Variants in PDLIM1 observed in about 807,000 individuals in gnomAD.
PDLIM1 encodes the protein PDZ and LIM domain 1.
In PDLIM1, 25 loss-of-function variants were observed where a neutral mutation model predicts 35.2. That is an observed-to-expected ratio of 0.71 (90% CI 0.52 to 0.99). The LOEUF is 0.99. Ranked by LOEUF, PDLIM1 falls within the 50% of genes least tolerant of loss-of-function variation. The pLI is 0.00. For synonymous variants in PDLIM1, 152 were observed against 154.0 expected (o/e 0.99, Z 0.10); for missense variants, 363 against 415.3 (o/e 0.87, Z 1.09).
At chr10:95,258,405 G>A (rs545994611) in intron 4 of PDLIM1, among the ~76,000 whole-genome samples, 6 of 152,094 alleles carry the variant, frequency 3.9e-5, no homozygotes, top group Non-Finnish European at 8.8e-5. Flanking sequence ...GGGAGGCTGA[G>A]GCAGAGAATT....
At chr10:95,287,319 G>A (rs1037286246) in intron 1 of PDLIM1, among the ~76,000 whole-genome samples, 6 of 152,142 alleles carry the variant, frequency 3.9e-5, no homozygotes, top group Admixed American at 3.3e-4. Flanking sequence ...ACGACATGAT[G>A]TAAAATCTAT....
intron 1 of PDLIM1, among the ~76,000 whole-genome samples, chr10:95,284,580 C>T (rs867059942): frequency 6.6e-6 from 1 of 152,320 alleles, no homozygotes; most frequent in African/African-American, 2.4e-5. Context: ...CCTCAAACTC[C>T]TGACCTCAGG....
intron 4 of PDLIM1, among the ~76,000 whole-genome samples, chr10:95,257,908 CAT>C (rs2035329997): frequency 1.3e-5 from 2 of 152,292 alleles, no homozygotes; most frequent in South Asian, 4.2e-4. Context: ...TCCATAAAAA[CAT>C]GTGTATTCGT....
intron 5 of PDLIM1, among the ~76,000 whole-genome samples, chr10:95,240,154 T>A (rs960177119): frequency 6.6e-6 from 1 of 152,202 alleles, no homozygotes; most frequent in African/African-American, 2.4e-5. Flanking sequence ...CCCAAAGGAA[T>A]ATAAATCATT....
intron 1 of PDLIM1, among the ~76,000 whole-genome samples, chr10:95,280,713 G>T (rs1337105272): frequency 1.3e-5 from 2 of 152,096 alleles, no homozygotes; most frequent in Non-Finnish European, 2.9e-5. Context: ...TTTCTTGAGG[G>T]AAAAACCGTG....
At chr10:95,262,381 C>T (rs1211156414) in intron 4 of PDLIM1, among the ~76,000 whole-genome samples, 1 of 152,130 alleles carries the variant, frequency 6.6e-6, no homozygotes, top group Non-Finnish European at 1.5e-5. Flanking sequence ...GAAAGGTTCT[C>T]AGAGCTAAGG....
intron 5 of PDLIM1, 104 bp downstream of exon 5, chr10:95,247,111 C>T: frequency 1.1e-6 from 1 of 940,852 alleles, no homozygotes; most frequent in Non-Finnish European, 1.6e-6. Context: ...AAGCCCATGC[C>T]CTCCAAAGCA....
At chr10:95,248,934 G>A (rs1036711927) in intron 4 of PDLIM1, among the ~76,000 whole-genome samples, 13 of 152,112 alleles carry the variant, frequency 8.5e-5, no homozygotes, top group Admixed American at 2.6e-4. Context: ...TCCTGACCCC[G>A]ACTCCAAACA....
At chr10:95,270,767 T>C (rs1264477699) in intron 2 of PDLIM1, among the ~76,000 whole-genome samples, 1 of 152,138 alleles carries the variant, frequency 6.6e-6, no homozygotes, top group Non-Finnish European at 1.5e-5. Flanking sequence ...ATTTTTTTTT[T>C]TGAGATGGAG....
intron 5 of PDLIM1, among the ~76,000 whole-genome samples, chr10:95,246,931 AG>A (rs1458625467): frequency 6.6e-6 from 1 of 152,232 alleles, no homozygotes; most frequent in Non-Finnish European, 1.5e-5. Context: ...CTCCCACAGC[AG>A]TCAGGCTCAC....
At chr10:95,247,891 A>G (rs1737199614) in intron 4 of PDLIM1, among the ~76,000 whole-genome samples, 1 of 152,238 alleles carries the variant, frequency 6.6e-6, no homozygotes, top group Non-Finnish European at 1.5e-5. Flanking sequence ...TATAACACAG[A>G]GGTAACAGTA....
intron 5 of PDLIM1, among the ~76,000 whole-genome samples, chr10:95,240,446 A>C (rs566690793): frequency 6.6e-6 from 1 of 152,218 alleles, no homozygotes; most frequent in Non-Finnish European, 1.5e-5. Flanking sequence ...AATGATGAGA[A>C]CAGATGGACA....
At chr10:95,274,873 C>T (rs73317209) in intron 1 of PDLIM1, among the ~76,000 whole-genome samples, 2,992 of 152,180 alleles carry the variant, frequency 0.02, 98 homozygotes, top group African/African-American at 0.065. Context: ...AGCTAACTTC[C>T]GGAGAAATTT....
Position 95,271,688 on chromosome 10 carries a change from C to G in PDLIM1, c.193G>C (p.Glu65Gln). The change falls in exon 2 of 7, where the codon GAA becomes CAA. Residue 65 changes from glutamate to glutamine, a missense_variant. Transcript: ENST00000329399. ...GENTSNMTHLEAQNRIKGCTD... is the reference protein window; with the variant it reads ...GENTSNMTHLQAQNRIKGCTD... Reference sequence around the variant, plus strand: ...CAGCCTTTGATTCTGTTCTGAGCTTCCAAGTGTGTCATATTGCTAGTATTT... The same window carrying G: ...CAGCCTTTGATTCTGTTCTGAGCTTGCAAGTGTGTCATATTGCTAGTATTT... The G allele has an allele frequency of 6.2e-6, 10 of 1,612,074 alleles. No individual in the cohort carries two copies. The highest frequency in any genetic ancestry group is 8.5e-6 in the Non-Finnish European group (10 of 1,179,276).
intron 3 of PDLIM1, among the ~76,000 whole-genome samples, chr10:95,264,796 G>A (rs1430697308): frequency 3.3e-5 from 5 of 151,766 alleles, no homozygotes; most frequent in Admixed American, 2.6e-4. Context: ...CCCCACCCTA[G>A]ACTTGTTAAG....
At chr10:95,241,035 G>A (rs903389267) in intron 5 of PDLIM1, among the ~76,000 whole-genome samples, 4 of 152,084 alleles carry the variant, frequency 2.6e-5, no homozygotes, top group African/African-American at 9.7e-5. Flanking sequence ...ACTGATCCAA[G>A]AACCACTGGA....
At chr10:95,239,017 G>GACACATAGACCAATGGAAC (rs45613733) in intron 5 of PDLIM1, among the ~76,000 whole-genome samples, 52,415 of 151,870 alleles carry the variant, frequency 0.35, 9,563 homozygotes, top group Middle Eastern at 0.51. Flanking sequence ...TAGAAGAACA[G>GACACATAGACCAATGGAAC]AGAACAGAGA....
intron 1 of PDLIM1, among the ~76,000 whole-genome samples, chr10:95,275,122 C>T (rs1275943760): frequency 6.6e-6 from 1 of 152,152 alleles, no homozygotes; most frequent in Non-Finnish European, 1.5e-5. Context: ...TCCTTTCAGG[C>T]TTTTGCATTT....
chr10:95,241,282 G>A (rs1290933453), intron 5 of PDLIM1, among the ~76,000 whole-genome samples: 1 of 152,144 alleles, frequency 6.6e-6, no homozygotes, highest in African/African-American at 2.4e-5. Context: ...ATAGCATCTC[G>A]CTATGTTGTG....
Sources: allele counts gnomAD v4.1 joint callset (sites outside exome capture counted in the v4.1 genomes callset), GRCh38; gene constraint gnomAD v4.1.1; transcripts MANE v1.5; gene names NCBI Gene and HGNC (gene_info 2026-07-23, HGNC 2026-07-21).